C12orf75: variants seen among roughly 807,000 people sequenced by gnomAD.
C12orf75 encodes overexpressed in colon carcinoma 1 protein.
C12orf75 carries 4 observed loss-of-function variants against 11.4 expected under a neutral mutation model. The observed-to-expected ratio is 0.35, with a 90% CI of 0.17 to 0.80. The LOEUF (loss-of-function observed/expected upper bound fraction) is 0.80. Among genes scored for constraint, C12orf75 ranks in the 30% least tolerant of loss-of-function variants. The pLI, the probability that C12orf75 is intolerant of heterozygous loss-of-function variation, is 0.52. For synonymous variants in C12orf75, 30 were observed against 30.0 expected (o/e 1.00, Z 0.00); for missense variants, 89 against 80.4 (o/e 1.11, Z -0.41).
At chr12:105,364,707 C>T (rs1235965286) in intron 2 of C12orf75, among the ~76,000 whole-genome samples, 1 of 152,056 alleles carries the variant, frequency 6.6e-6, no homozygotes, top group East Asian at 1.9e-4. Flanking sequence ...CAGCCAGATA[C>T]ATTGGAATCT....
chr12:105,332,266 C>T (rs915477783), intron 1 of C12orf75, among the ~76,000 whole-genome samples: 2 of 151,896 alleles, frequency 1.3e-5, no homozygotes, highest in Non-Finnish European at 2.9e-5. Flanking sequence ...GCATGTGTAG[C>T]CTACTTAAAA....
rs562769222 is a variant in C12orf75, at chr12:105,338,436, A to G, written c.46+7499A>G. Among the ~76,000 whole-genome samples, 5 of 152,284 alleles carry G rather than the reference A, an allele frequency of 3.3e-5. 1 individual carries two copies. In the South Asian group the frequency reaches 1.0e-3, roughly 32 times the overall value. Reference sequence around the variant, plus strand: ...TGATCCACCCGTCTTGGCCTCCCAGAGTGCTGGGATTACAGGTGTGAGCCA... The same window carrying G: ...TGATCCACCCGTCTTGGCCTCCCAGGGTGCTGGGATTACAGGTGTGAGCCA... On this transcript the variant is annotated intron_variant, in intron 1 of 5. Transcript: ENST00000443585.
intron 5 of C12orf75, among the ~76,000 whole-genome samples, chr12:105,370,263 T>TG (rs1357268058): frequency 6.6e-6 from 1 of 152,202 alleles, no homozygotes. Flanking sequence ...CCATGTAATG[T>TG]GGAGGCCTAG....
intron 2 of C12orf75, among the ~76,000 whole-genome samples, chr12:105,349,914 T>C (rs1012984472): frequency 6.6e-6 from 1 of 152,190 alleles, no homozygotes; most frequent in Non-Finnish European, 1.5e-5. Context: ...TTCTTATTTC[T>C]TATTACAAAG....
chr12:105,360,381 G>A (rs1386427210), intron 2 of C12orf75, among the ~76,000 whole-genome samples: 1 of 152,246 alleles, frequency 6.6e-6, no homozygotes, highest in Non-Finnish European at 1.5e-5. Context: ...AGGAGCTTAT[G>A]TGGCTGTGGA....
chr12:105,357,120 C>G (rs566877591), intron 2 of C12orf75, among the ~76,000 whole-genome samples: 1 of 152,154 alleles, frequency 6.6e-6, no homozygotes, highest in East Asian at 1.9e-4. Context: ...CATTCAATGT[C>G]TCCAGTTCAT....
At chr12:105,341,559 A>G (rs1243408586) in intron 1 of C12orf75, among the ~76,000 whole-genome samples, 1 of 152,216 alleles carries the variant, frequency 6.6e-6, no homozygotes, top group East Asian at 1.9e-4. Context: ...CACAGGACTC[A>G]GGAGGACACT....
intron 1 of C12orf75, among the ~76,000 whole-genome samples, chr12:105,340,157 G>A (rs565781816): frequency 4.6e-5 from 7 of 152,078 alleles, no homozygotes; most frequent in African/African-American, 1.7e-4. Context: ...GGGGCGTGGT[G>A]GCTCACGCCT....
chr12:105,357,873 C>G (rs553135952), intron 2 of C12orf75, among the ~76,000 whole-genome samples: 1 of 151,494 alleles, frequency 6.6e-6, no homozygotes, highest in East Asian at 1.9e-4. Context: ...GACACAGGGT[C>G]TTGCTCTGTT....
At chr12:105,352,481 A>G (rs554815647) in intron 2 of C12orf75, among the ~76,000 whole-genome samples, 1 of 152,302 alleles carries the variant, frequency 6.6e-6, no homozygotes, top group South Asian at 2.1e-4. Context: ...TAAGAGAAAA[A>G]TTCAGTTATT....
At chr12:105,362,197 T>C (rs1592884706) in intron 2 of C12orf75, among the ~76,000 whole-genome samples, 1 of 151,878 alleles carries the variant, frequency 6.6e-6, no homozygotes. Context: ...CCATCCTGGC[T>C]AAAACGGTGA....
intron 2 of C12orf75, 128 bp downstream of exon 2, chr12:105,348,754 C>T (rs1592879965): frequency 3.7e-6 from 2 of 546,120 alleles, no homozygotes; most frequent in South Asian, 3.6e-5. Flanking sequence ...GTATAATGCA[C>T]ATGTCAAGAT....
At chr12:105,352,986 G>A (rs920978144) in intron 2 of C12orf75, among the ~76,000 whole-genome samples, 2 of 152,096 alleles carry the variant, frequency 1.3e-5, no homozygotes, top group African/African-American at 2.4e-5. Flanking sequence ...AATGACATTC[G>A]GCCGCTTTCA....
intron 2 of C12orf75, among the ~76,000 whole-genome samples, chr12:105,357,457 G>A (rs1429195665): frequency 1.3e-5 from 2 of 152,166 alleles, no homozygotes; most frequent in Admixed American, 6.5e-5. Context: ...CTACAAGAGT[G>A]AGTCATGTTT....
At chr12:105,357,807 T>TGTGTGTGA (rs1491090986) in intron 2 of C12orf75, among the ~76,000 whole-genome samples, 6 of 122,894 alleles carry the variant, frequency 4.9e-5, no homozygotes, top group Admixed American at 3.4e-4. Flanking sequence ...TGTGTGTGTG[T>TGTGTGTGA]GAGAGAGAGA....
chr12:105,340,328 G>A (rs1250544363), intron 1 of C12orf75, among the ~76,000 whole-genome samples: 2 of 151,660 alleles, frequency 1.3e-5, no homozygotes, highest in Non-Finnish European at 2.9e-5. Flanking sequence ...GGGACGCTGA[G>A]GCAGGAGAAT....
Position 105,371,361 on chromosome 12 carries a change from A to G in C12orf75, c.*761A>G, listed in dbSNP as rs1871622610. ...CATTCTACATCACGACAATCTCATC[A>G]TATTATTTCTATAACTTTTCAAGGA... On this transcript the variant is annotated 3_prime_UTR_variant, in exon 6 of 6. Transcript: ENST00000443585. 1 of 152,198 alleles carries G rather than the reference A, an allele frequency of 6.6e-6. No individual in the cohort carries two copies. The highest frequency in any genetic ancestry group is 1.5e-5 in the Non-Finnish European group (1 of 68,034). 9.4% of individuals were successfully genotyped at this position (152,198 alleles called of 1,614,324 possible).
At chr12:105,339,392 A>T (rs867165724) in intron 1 of C12orf75, among the ~76,000 whole-genome samples, 155 of 136,486 alleles carry the variant, frequency 1.1e-3, no homozygotes, top group African/African-American at 2.6e-3. Flanking sequence ...AATCTTCAGT[A>T]TTTTTTTTTT....
At chr12:105,366,139 TC>T (rs1274704713) in intron 3 of C12orf75, 3 of 400,134 alleles carry the variant, frequency 7.5e-6, no homozygotes, top group African/African-American at 4.1e-5. Context: ...CTCTCAGCCT[TC>T]CCTGTCCTCC....
Sources: allele counts gnomAD v4.1 joint callset (sites outside exome capture counted in the v4.1 genomes callset), GRCh38; gene constraint gnomAD v4.1.1; transcripts MANE v1.5; gene names NCBI Gene and HGNC (gene_info 2026-07-23, HGNC 2026-07-21).